The following EYA2 variants were observed in gnomAD, a reference collection of about 807,000 sequenced individuals.
The protein encoded by EYA2 is protein phosphatase EYA2.
A neutral mutation model predicts 69.2 loss-of-function variants in EYA2; 31 were observed. The observed-to-expected ratio is 0.45, with a 90% CI of 0.34 to 0.60. The LOEUF (loss-of-function observed/expected upper bound fraction) is 0.60, where lower values mean the gene tolerates loss of function less well. EYA2 is among the 20% of genes least tolerant of loss of function. The pLI, the probability that EYA2 is intolerant of heterozygous loss-of-function variation, is 0.02. For missense variants in EYA2, 622 were observed against 701.2 expected (o/e 0.89, Z 1.28); for synonymous variants, 257 against 279.4 (o/e 0.92, Z 0.80).
chr20:47,028,623 C>T (rs1441636620), intron 5 of EYA2, among the ~76,000 whole-genome samples: 3 of 152,236 alleles, frequency 2.0e-5, no homozygotes, highest in Non-Finnish European at 4.4e-5. Context: ...TCCCTGCCCC[C>T]CTGGAGTTCA....
chr20:46,946,254 G>A (rs60895313), intron 1 of EYA2, among the ~76,000 whole-genome samples: 3,605 of 152,276 alleles, frequency 0.024, 142 homozygotes, highest in African/African-American at 0.081. Context: ...AAAGCCCTAG[G>A]AGGTCTTGCC....
At chr20:46,926,997 G>A (rs1034894639) in intron 1 of EYA2, among the ~76,000 whole-genome samples, 1 of 152,202 alleles carries the variant, frequency 6.6e-6, no homozygotes, top group Non-Finnish European at 1.5e-5. Flanking sequence ...GGCCCACAGA[G>A]GATGGCCCAG....
chr20:47,016,550 T>A (rs1983425172), intron 5 of EYA2, among the ~76,000 whole-genome samples: 1 of 152,188 alleles, frequency 6.6e-6, no homozygotes, highest in Admixed American at 6.5e-5. Context: ...CAAATAAACC[T>A]GGTCTTTGCA....
chr20:47,078,462 T>G (rs2031606829), intron 7 of EYA2, among the ~76,000 whole-genome samples: 1 of 152,148 alleles, frequency 6.6e-6, no homozygotes, highest in African/African-American at 2.4e-5. Context: ...GCTCTAGAGG[T>G]TTACTGACAG....
At position 47,050,280 on chromosome 20, in the gene EYA2, A is replaced by G. The variant is rs75374535; in HGVS notation, c.416-21905A>G. 7.1e-3 allele frequency among the ~76,000 whole-genome samples: 1,077 copies of G among 152,302 alleles called. 13 individuals carry two copies. The highest frequency in any genetic ancestry group is 0.025 in the African/African-American group (1,025 of 41,568). On this transcript the variant is annotated intron_variant, in intron 5 of 15. Coordinates refer to ENST00000327619, the MANE Select transcript of EYA2 (RefSeq NM_005244.5). ...ACCCCTTGGTTTAAATGCTTTCTGT[A>G]TGTAGCGAGAGGGAAAAATATAAAA...
intron 7 of EYA2, among the ~76,000 whole-genome samples, chr20:47,081,232 C>G (rs948581936): frequency 6.6e-6 from 1 of 151,846 alleles, no homozygotes; most frequent in Non-Finnish European, 1.5e-5. Flanking sequence ...GTGGGAGTTA[C>G]AATTCAAGAT....
intron 1 of EYA2, among the ~76,000 whole-genome samples, chr20:46,935,524 C>A (rs1985868543): frequency 6.6e-6 from 1 of 152,142 alleles, no homozygotes; most frequent in Admixed American, 6.5e-5. Context: ...AACTCATCTT[C>A]CTCTCTTGGA....
At chr20:47,118,140 T>A (rs1338036674) in intron 9 of EYA2, among the ~76,000 whole-genome samples, 2 of 152,264 alleles carry the variant, frequency 1.3e-5, no homozygotes, top group Non-Finnish European at 2.9e-5. Flanking sequence ...AGATGTGGAT[T>A]AAGTCAAGAT....
At chr20:47,117,815 A>G (rs1211721630) in intron 9 of EYA2, among the ~76,000 whole-genome samples, 3 of 152,220 alleles carry the variant, frequency 2.0e-5, no homozygotes, top group African/African-American at 7.2e-5. Context: ...CTTGAAATGT[A>G]GCTGTAATTC....
chr20:46,971,555 G>C (rs910123786), intron 1 of EYA2, among the ~76,000 whole-genome samples: 1 of 152,162 alleles, frequency 6.6e-6, no homozygotes, highest in Non-Finnish European at 1.5e-5. Flanking sequence ...CTTTATTCTG[G>C]GTAGCTGAGT....
At chr20:46,915,284 CA>C (rs1984849313) in intron 1 of EYA2, among the ~76,000 whole-genome samples, 1 of 152,194 alleles carries the variant, frequency 6.6e-6, no homozygotes, top group Admixed American at 6.5e-5. Flanking sequence ...CCACTGCCTC[CA>C]AAAACCTCAG....
chr20:47,063,602 CA>C (rs2030992825), intron 5 of EYA2, among the ~76,000 whole-genome samples: 1 of 152,168 alleles, frequency 6.6e-6, no homozygotes, highest in Non-Finnish European at 1.5e-5. Flanking sequence ...CACTTTGTTG[CA>C]GATGAAAAGG....
chr20:47,169,621 C>G (rs139952539), intron 11 of EYA2, among the ~76,000 whole-genome samples: 3 of 152,306 alleles, frequency 2.0e-5, no homozygotes, highest in Non-Finnish European at 4.4e-5. Flanking sequence ...TGAAGTAATG[C>G]ATGCATAACA....
chr20:47,132,235 A>G (rs2033359725), intron 9 of EYA2, among the ~76,000 whole-genome samples: 1 of 152,198 alleles, frequency 6.6e-6, no homozygotes, highest in Non-Finnish European at 1.5e-5. Flanking sequence ...AGCGTGAGCC[A>G]CCATGCCCCC....
At chr20:46,951,284 A>T (rs999536543) in intron 1 of EYA2, among the ~76,000 whole-genome samples, 4 of 152,106 alleles carry the variant, frequency 2.6e-5, no homozygotes, top group African/African-American at 9.7e-5. Context: ...TTTTTTCTGT[A>T]ACCAGCAGCT....
intron 5 of EYA2, among the ~76,000 whole-genome samples, chr20:47,018,623 G>A (rs1025033526): frequency 7.2e-5 from 11 of 152,344 alleles, no homozygotes; most frequent in African/African-American, 2.2e-4. Flanking sequence ...CAGCGGGAAC[G>A]CAAGAGCAAA....
At chr20:47,066,109 G>C (rs2031098079) in intron 5 of EYA2, among the ~76,000 whole-genome samples, 1 of 152,142 alleles carries the variant, frequency 6.6e-6, no homozygotes, top group Non-Finnish European at 1.5e-5. Flanking sequence ...GGAGGCCAAG[G>C]TGGGCAGATT....
chr20:46,921,574 G>A (rs529659153), intron 1 of EYA2, among the ~76,000 whole-genome samples: 64 of 152,326 alleles, frequency 4.2e-4, no homozygotes, highest in African/African-American at 1.5e-3. Flanking sequence ...TCAGGCACAG[G>A]AACTGGACCC....
chr20:47,011,848 T>G (rs1983076597), intron 4 of EYA2, among the ~76,000 whole-genome samples: 1 of 152,190 alleles, frequency 6.6e-6, no homozygotes, highest in South Asian at 2.1e-4. Context: ...TCCAAAAAAT[T>G]TAATCATGTT....
Sources: allele counts gnomAD v4.1 joint callset (sites outside exome capture counted in the v4.1 genomes callset), GRCh38; gene constraint gnomAD v4.1.1; transcripts MANE v1.5; gene names NCBI Gene and HGNC (gene_info 2026-07-23, HGNC 2026-07-21).